Variants in CHRNA5 observed in about 807,000 individuals in gnomAD.
The protein encoded by CHRNA5 is cholinergic receptor nicotinic alpha 5 subunit.
CHRNA5 carries 28 observed loss-of-function variants against 41.2 expected under a neutral mutation model. That is an observed-to-expected ratio of 0.68 (90% CI 0.50 to 0.93). The LOEUF (loss-of-function observed/expected upper bound fraction) is 0.93. CHRNA5 is among the 40% of genes least tolerant of loss of function. CHRNA5 has a pLI of 0.00. For synonymous variants in CHRNA5, 188 were observed against 205.8 expected (o/e 0.91, Z 0.74); for missense variants, 481 against 581.9 (o/e 0.83, Z 1.78).
At chr15:78,565,995 C>T (rs1045790802) in intron 1 of CHRNA5, among the ~76,000 whole-genome samples, 170 bp downstream of exon 1, 1 of 152,132 alleles carries the variant, frequency 6.6e-6, no homozygotes. Flanking sequence ...CAGATTTGCT[C>T]ATTTAAATGC....
Position 78,590,176 on chromosome 15 carries a change from T to A in CHRNA5, c.785T>A (p.Ile262Asn), listed in dbSNP as rs201483179. The A allele has an allele frequency of 2.7e-5, 44 of 1,613,978 alleles. No homozygotes were observed. In the East Asian group the frequency reaches 8.0e-4, roughly 29 times the overall value. ...ACCTTGTTCCTTATAATACCCTGTA[T>A]TGGGCTCTCATTTTTAACTGTACTT... Residue 262 changes from isoleucine to asparagine, a missense_variant, in exon 5 of 6, where the codon ATT becomes AAT. Ile to Asn is a moderately radical substitution (Grantham distance 149). Coordinates refer to ENST00000299565, the Ensembl canonical transcript of CHRNA5.
At chr15:78,565,571 C>T (rs77293642) in exon 1 of CHRNA5, 252 of 220,804 alleles carry the variant, frequency 1.1e-3, no homozygotes, top group Non-Finnish European at 1.8e-3. Flanking sequence ...GCTGTCCCGG[C>T]GGGAGCTGTG....
intron 1 of CHRNA5, among the ~76,000 whole-genome samples, chr15:78,566,614 A>G (rs2052750245): frequency 6.6e-6 from 1 of 152,254 alleles, no homozygotes; most frequent in South Asian, 2.1e-4. Flanking sequence ...AGATATGATT[A>G]CAGAAGTTCA....
chr15:78,593,487 T>C lies in CHRNA5; in HGVS notation c.*234T>C, dbSNP rs200339983. 3.5e-5 allele frequency: 11 copies of C among 310,434 alleles called. No individual in the cohort carries two copies. In the East Asian group the frequency reaches 6.4e-4, roughly 18 times the overall value. 19.2% of individuals were successfully genotyped at this position (310,434 alleles called of 1,614,324 possible). On this transcript the variant is annotated 3_prime_UTR_variant, in exon 6 of 6. Coordinates refer to ENST00000299565, the Ensembl canonical transcript of CHRNA5. ...AAAAATAGCAAAATATTATCTGAAC[T>C]GGACTAGTGAAAAATCTAGTATTTG... is the stretch of plus-strand genomic sequence containing the variant.
chr15:78,569,849 C>T (rs1178988364), intron 1 of CHRNA5, among the ~76,000 whole-genome samples: 1 of 151,736 alleles, frequency 6.6e-6, no homozygotes, highest in Admixed American at 6.6e-5. Context: ...GAGACAGAGT[C>T]TCACTCTGTC....
chr15:78,590,251 C>T (rs1017054259), exon 5 of CHRNA5: 3 of 1,613,878 alleles, frequency 1.9e-6, no homozygotes, highest in Non-Finnish European at 1.7e-6. Context: ...CTCTGCACTT[C>T]AGTACTTGTG....
intron 4 of CHRNA5, chr15:78,589,511 C>G (rs2052990492): frequency 1.4e-5 from 4 of 283,744 alleles, no homozygotes; most frequent in Admixed American, 4.8e-5. Context: ...TGAGTCTATT[C>G]TGTGTGTAAG....
exon 1 of CHRNA5, chr15:78,565,737 A>T (rs2052740415): frequency 8.4e-7 from 1 of 1,188,218 alleles, no homozygotes. Context: ...CGCGGGGGTC[A>T]GGGCCCCGCG....
At chr15:78,591,664 A>G (rs1265194292) in intron 5 of CHRNA5, among the ~76,000 whole-genome samples, 1 of 152,098 alleles carries the variant, frequency 6.6e-6, no homozygotes, top group East Asian at 1.9e-4. Context: ...ACTTTTTTTC[A>G]TATGTTAATG....
intron 1 of CHRNA5, among the ~76,000 whole-genome samples, chr15:78,574,972 TAAAA>T (rs375021466): frequency 2.2e-5 from 3 of 135,264 alleles, no homozygotes; most frequent in African/African-American, 5.5e-5. Flanking sequence ...GACCCTGTCT[TAAAA>T]AAAAAAAAAA....
At chr15:78,592,603 GA>G (rs2053028666) in intron 5 of CHRNA5, among the ~76,000 whole-genome samples, 1 of 152,152 alleles carries the variant, frequency 6.6e-6, no homozygotes, top group South Asian at 2.1e-4. Flanking sequence ...AAATTAGACT[GA>G]AGTGGTCCCT....
intron 5 of CHRNA5, chr15:78,590,992 TTTAA>T (rs1036472184): frequency 2.5e-5 from 5 of 203,636 alleles, no homozygotes; most frequent in Non-Finnish European, 4.9e-5. Flanking sequence ...GGTGAACTGT[TTTAA>T]TTTTGTCTTC....
chr15:78,576,513 C>A (rs771787533), intron 1 of CHRNA5, among the ~76,000 whole-genome samples: 5 of 152,056 alleles, frequency 3.3e-5, no homozygotes, highest in African/African-American at 1.2e-4. Flanking sequence ...TAAGTAAGGC[C>A]GGGCGTGGTG....
intron 5 of CHRNA5, chr15:78,590,935 G>C: frequency 3.2e-6 from 1 of 309,874 alleles, no homozygotes; most frequent in Non-Finnish European, 6.0e-6. Flanking sequence ...CATATTTCTT[G>C]GCTCTGACCT....
At chr15:78,572,050 G>T (rs1438814617) in intron 1 of CHRNA5, among the ~76,000 whole-genome samples, 1 of 152,030 alleles carries the variant, frequency 6.6e-6, no homozygotes, top group Non-Finnish European at 1.5e-5. Flanking sequence ...GACTTCAGGG[G>T]TAGATTAACT....
At chr15:78,592,243 A>G (rs564396709) in intron 5 of CHRNA5, among the ~76,000 whole-genome samples, 20 of 152,282 alleles carry the variant, frequency 1.3e-4, no homozygotes, top group African/African-American at 4.8e-4. Flanking sequence ...AATCACTTAA[A>G]CTTGGGAGGC....
In CHRNA5 at chr15:78,569,356, G is replaced by A. The variant is rs183820501; in HGVS notation, c.106+3531G>A. ...TAGCATTATTTTTCTTAAAGCATTG[G>A]AATTAAATTATCAGATGATAGTTTA... is the stretch of plus-strand genomic sequence containing the variant. On this transcript the variant is annotated intron_variant, in intron 1 of 5. Transcript: ENST00000299565. Among the ~76,000 whole-genome samples, 12 of 151,668 alleles carry A rather than the reference G, an allele frequency of 7.9e-5. No homozygotes were observed. In the East Asian group the frequency reaches 2.3e-3, roughly 29 times the overall value.
intron 3 of CHRNA5, 121 bp downstream of exon 3, chr15:78,586,810 A>G: frequency 1.3e-6 from 1 of 743,228 alleles, no homozygotes; most frequent in Admixed American, 2.3e-5. Flanking sequence ...ATACGTGACT[A>G]TATGGCCTTG....
chr15:78,572,632 C>T (rs937542679), intron 1 of CHRNA5, among the ~76,000 whole-genome samples: 1 of 151,876 alleles, frequency 6.6e-6, no homozygotes, highest in African/African-American at 2.4e-5. Flanking sequence ...TACAGGCATG[C>T]ACCACCACGC....
Sources: gnomAD v4.1 joint callset for allele counts (sites outside exome capture counted in the v4.1 genomes callset) on GRCh38, gnomAD v4.1.1 for gene constraint, MANE v1.5 for transcripts, NCBI Gene and HGNC (gene_info 2026-07-23, HGNC 2026-07-21) for gene names.